KIF25: variants seen among roughly 807,000 people sequenced by gnomAD.
KIF25 encodes the protein kinesin-like protein KIF25.
KIF25 carries 19 observed loss-of-function variants against 32.9 expected under a neutral mutation model. The observed-to-expected ratio is 0.58, with a 90% confidence interval of 0.40 to 0.85. The LOEUF (loss-of-function observed/expected upper bound fraction) is 0.85. KIF25 is among the 40% of genes least tolerant of loss of function. The probability of loss-of-function intolerance (pLI) is 0.00; values close to 1 mark genes in which losing one functional copy is unlikely to be tolerated. For missense variants in KIF25, 485 were observed against 507.0 expected, an observed-to-expected ratio of 0.96 and a Z score of 0.42; for synonymous variants, 225 against 213.7, an observed-to-expected ratio of 1.05 and a Z score of -0.46.
intron 4 of KIF25, among the ~76,000 whole-genome samples, chr6:168,015,340 A>G (rs565870981): frequency 6.6e-6 from 1 of 152,302 alleles, no homozygotes; most frequent in South Asian, 2.1e-4. Flanking sequence ...TTTAGCTCTA[A>G]AATTTGATGG....
At chr6:168,014,724 CAGAT>C (rs1468499170) in intron 4 of KIF25, among the ~76,000 whole-genome samples, 3 of 152,214 alleles carry the variant, frequency 2.0e-5, no homozygotes, top group Admixed American at 6.5e-5. Context: ...AAGTCGATCT[CAGAT>C]GGAGAATCTG....
chr6:168,004,311 G>A (rs888189874), intron 4 of KIF25, among the ~76,000 whole-genome samples: 1 of 152,204 alleles, frequency 6.6e-6, no homozygotes, highest in African/African-American at 2.4e-5. Flanking sequence ...CCCACGGCAG[G>A]CACTCCCTCA....
At chr6:168,004,194 G>A (rs1233883222) in intron 4 of KIF25, among the ~76,000 whole-genome samples, 4 of 152,154 alleles carry the variant, frequency 2.6e-5, no homozygotes, top group South Asian at 2.1e-4. Flanking sequence ...TTGACACCTC[G>A]CATCTGGGCC....
At chr6:168,044,726 CCT>C in intron 12 of KIF25, 99 bp from the exon 13 acceptor site, 1 of 1,254,626 alleles carries the variant, frequency 8.0e-7, no homozygotes, top group Non-Finnish European at 1.1e-6. Flanking sequence ...GCCGGGCGGC[CCT>C]CTCTGCAGCC....
chr6:168,036,038 G>C lies in KIF25; in HGVS notation c.317+2007G>C. 3 of 259,344 alleles carry C rather than the reference G, an allele frequency of 1.2e-5. No individual in the cohort carries two copies. The South Asian group carries it at 1.2e-4, about 11-fold the overall frequency. The allele number at this position is 259,344 out of a possible 1,614,324, so 16.1% of individuals were successfully genotyped here. A position where few individuals can be genotyped will look rare whatever the true frequency, so the allele number is the denominator to read the frequency against. ...CAATGACATCAGTGCTGATATCAGA[G>C]ATAGTTTACAGGAACCCTTTACCCT... On this transcript the variant is annotated intron_variant, in intron 8 of 12. Coordinates refer to ENST00000643607, the MANE Select transcript of KIF25 (RefSeq NM_030615.4).
intron 3 of KIF25, among the ~76,000 whole-genome samples, 167 bp from the exon 4 acceptor site, chr6:168,003,447 C>G (rs112468198): frequency 6.7e-6 from 1 of 149,234 alleles, no homozygotes; most frequent in African/African-American, 2.6e-5. Flanking sequence ...GAGACCAGGA[C>G]AGAGACAGAG....
rs114428915 is a variant in KIF25, at chr6:168,006,379, C to G, written c.-163+2676C>G. On this transcript the variant is annotated intron_variant, in intron 4 of 12. Coordinates refer to ENST00000643607, the MANE Select transcript of KIF25 (RefSeq NM_030615.4). The stretch of plus-strand genomic sequence containing the variant: ...AAAGTGTTCTTATCATTTAAAAATG[C>G]AGCCTGTAATACTCAGCAATACAAC... Among the ~76,000 whole-genome samples the G allele has an allele frequency of 5.3e-3, 808 of 152,230 alleles. 7 individuals carry two copies. Among genetic ancestry groups the G allele is most frequent in the African/African-American group, 0.019 (770 of 41,538 alleles).
intron 10 of KIF25, 47 bp from the exon 11 acceptor site, chr6:168,041,922 G>A: frequency 2.6e-6 from 4 of 1,536,350 alleles, no homozygotes; most frequent in Non-Finnish European, 3.5e-6. Flanking sequence ...CAGCCTCATG[G>A]CTTCATGCAA....
At chr6:168,016,897 G>C (rs1352350279) in intron 4 of KIF25, among the ~76,000 whole-genome samples, 4 of 152,228 alleles carry the variant, frequency 2.6e-5, no homozygotes, top group Non-Finnish European at 4.4e-5. Context: ...CAGGCAGCGC[G>C]GGGCTGAGGC....
At chr6:168,000,857 C>G (rs1229102932) in intron 2 of KIF25, among the ~76,000 whole-genome samples, 1 of 152,236 alleles carries the variant, frequency 6.6e-6, no homozygotes, top group East Asian at 1.9e-4. Context: ...TCCACTTAAT[C>G]TGTCCAAATG....
At position 168,042,086 on chromosome 6, in the gene KIF25, C is replaced by T. The variant is rs1249971302; in HGVS notation, c.764C>T (p.Ala255Val). The part of the protein sequence containing the change: ...LAPQLVPGNP[A>V]GHAEQVQARL... ...CCACAGCTGGTTCCTGGGAACCCCG[C>T]AGGGCATGCGGAGCAGGTGCAGGCT... Residue 255 changes from alanine to valine, a missense_variant, in exon 11 of 13, where the codon GCA becomes GTA. Ala to Val is a moderately conservative substitution (Grantham distance 64). Around this residue, in one of 2 missense-constraint regions of KIF25, gnomAD observed 480 missense variants for 470.3 expected, o/e 1.02. Coordinates refer to ENST00000643607, the MANE Select transcript of KIF25 (RefSeq NM_030615.4). 1.3e-6 allele frequency: 2 copies of T among 1,551,466 alleles called. No homozygotes were observed. The highest frequency in any genetic ancestry group is 1.8e-4 in the Middle Eastern group (1 of 5,426).
At position 168,038,729 on chromosome 6, in the gene KIF25, A is replaced by G; in HGVS notation, c.494A>G (p.Glu165Gly). ...GRTEVALLAS[E>G]AVGSASKLME... The stretch of plus-strand genomic sequence containing the variant: ...ACAGAGGTTGCGCTGCTGGCCTCTG[A>G]GTGAGTACTGCACCTGCCCCGTGCT... The change falls in exon 9 of 13, where the codon GAG (glutamate) becomes GGG (glycine). Residue 165 changes from glutamate (E) to glycine (G), a missense_variant and splice_region_variant. Glu to Gly is a moderately conservative substitution (Grantham distance 98). This residue lies in a region of KIF25 where 480 missense variants were observed against 470.3 expected (regional missense o/e 1.02). Coordinates refer to ENST00000643607, the MANE Select transcript of KIF25 (RefSeq NM_030615.4). The G allele has an allele frequency of 6.2e-7, 1 of 1,612,978 alleles. No individual in the cohort carries two copies. The highest frequency in any genetic ancestry group is 8.5e-7 in the Non-Finnish European group (1 of 1,179,828).
At chr6:168,024,423 CTTTTTTT>C (rs56243912) in intron 5 of KIF25, among the ~76,000 whole-genome samples, 300 of 61,968 alleles carry the variant, frequency 4.8e-3, no homozygotes, top group South Asian at 0.013. Flanking sequence ...AAACCTCTCT[CTTTTTTT>C]TTTTTTTTTT....
intron 4 of KIF25, among the ~76,000 whole-genome samples, chr6:168,017,245 C>T (rs982014743): frequency 1.3e-5 from 2 of 152,190 alleles, no homozygotes; most frequent in Admixed American, 6.5e-5. Context: ...GAGGTATCAT[C>T]CTAGCATCCG....
At chr6:168,007,912 A>C (rs1244695238) in intron 4 of KIF25, among the ~76,000 whole-genome samples, 3 of 152,198 alleles carry the variant, frequency 2.0e-5, no homozygotes, top group Non-Finnish European at 4.4e-5. Flanking sequence ...CTCTCAGATC[A>C]CATTTCCCTG....
chr6:168,043,869 T>G (rs1345757945), intron 12 of KIF25, among the ~76,000 whole-genome samples: 1 of 152,138 alleles, frequency 6.6e-6, no homozygotes, highest in East Asian at 1.9e-4. Flanking sequence ...TCGTTACGGG[T>G]CCTGAAAAAC....
In KIF25 at chr6:168,038,674, C is replaced by T. The variant is rs1270937180; in HGVS notation, c.439C>T (p.Arg147Cys). 1.7e-5 allele frequency: 28 copies of T among 1,614,120 alleles called. No homozygotes were observed. Among genetic ancestry groups the T allele is most frequent in the Middle Eastern group, 1.7e-4 (1 of 6,044 alleles). Residue 147 changes from arginine to cysteine, a missense_variant, in exon 9 of 13, where the codon CGT (arginine) becomes TGT (cysteine). Coordinates refer to ENST00000643607, the MANE Select transcript of KIF25 (RefSeq NM_030615.4). ...DSIAAVSGVK[R>C]EVVTAKDGRT... ...CATTGCAGCAGTGTCGGGGGTCAAG[C>T]GTGAGGTGGTGACAGCCAAGGATGG...
In KIF25 at chr6:167,999,241, C is replaced by T. The variant is rs1329434129; in HGVS notation, c.-449C>T. 2 of 152,268 alleles carry T rather than the reference C, an allele frequency of 1.3e-5. No homozygotes were observed. The highest frequency in any genetic ancestry group is 4.8e-5 in the African/African-American group (2 of 41,544). The allele number at this position is 152,268 out of a possible 1,614,324, so 9.4% of individuals were successfully genotyped here. A position where few individuals can be genotyped will look rare whatever the true frequency, so the allele number is the denominator to read the frequency against. ...CTCTTGATCATTGCAGGAGCTGAAA[C>T]GAAATATCAGAGTTCACTGTCGGAT... is the stretch of plus-strand genomic sequence containing the variant. On this transcript the variant is annotated 5_prime_UTR_variant, in exon 2 of 13. In the 5' UTR this introduces an upstream ATG that the reference lacks. Transcript: ENST00000643607.
At chr6:168,035,645 C>G in intron 8 of KIF25, 1 of 454,168 alleles carries the variant, frequency 2.2e-6, no homozygotes, top group Non-Finnish European at 4.4e-6. Context: ...ACCAATGGGC[C>G]CATCGCATTA....
Sources: gnomAD v4.1 joint callset for allele counts (sites outside exome capture counted in the v4.1 genomes callset) on GRCh38, gnomAD v4.1.1 for gene constraint, gnomAD v4.1.1 regional missense constraint, MANE v1.5 for transcripts, NCBI Gene and HGNC (gene_info 2026-07-23, HGNC 2026-07-21) for gene names.